Variants in MYL4 observed in about 807,000 individuals in gnomAD.
The protein encoded by MYL4 is myosin light chain 4.
MYL4 carries 16 observed loss-of-function variants against 21.6 expected under a neutral mutation model. The ratio of observed to expected loss-of-function variants is 0.74; its 90% confidence interval spans 0.50 to 1.12. The LOEUF (loss-of-function observed/expected upper bound fraction) is 1.12, where lower values mean the gene tolerates loss of function less well. Among genes scored for constraint, MYL4 ranks in the 50% most tolerant of loss-of-function variants. MYL4 has a pLI of 0.00. For synonymous variants in MYL4, 82 were observed against 95.7 expected, an observed-to-expected ratio of 0.86 and a Z score of 0.83; for missense variants, 249 against 252.9, an observed-to-expected ratio of 0.98 and a Z score of 0.11.
chr17:47,221,702 G>C lies in MYL4; in HGVS notation c.334G>C (p.Asp112His), dbSNP rs1393147280. ...KPEEMNVKML[D>H]FETFLPILQH... Reference sequence around the variant, plus strand: ...TGAAGAGATGAATGTCAAGATGCTGGACTTTGAGACGTTCTTGCCCATCCT... The same window carrying C: ...TGAAGAGATGAATGTCAAGATGCTGCACTTTGAGACGTTCTTGCCCATCCT... The change falls in exon 4 of 7, where the codon GAC becomes CAC. Residue 112 changes from aspartate to histidine, a missense_variant. Coordinates refer to ENST00000393450, the MANE Select transcript of MYL4 (RefSeq NM_002476.2). 6.2e-7 allele frequency: 1 copy of C among 1,613,694 alleles called. No homozygotes were observed. Among genetic ancestry groups the C allele is most frequent in the Non-Finnish European group, 8.5e-7 (1 of 1,179,724 alleles).
At chr17:47,209,909 T>C (rs1345846974) in intron 1 of MYL4, among the ~76,000 whole-genome samples, 1 of 152,148 alleles carries the variant, frequency 6.6e-6, no homozygotes, top group Non-Finnish European at 1.5e-5. Flanking sequence ...GACTAGCCTT[T>C]TCCTAGGAGG....
chr17:47,220,080 TC>T, intron 3 of MYL4, 27 bp downstream of exon 3: 1 of 1,587,084 alleles, frequency 6.3e-7, no homozygotes. Flanking sequence ...GGCAGACCTC[TC>T]CCAGGGTCAG....
rs963861981 is a variant in MYL4, at chr17:47,219,993, C to G, written c.253C>G (p.Leu85Val). ...YGQCGDVLRALGQNPTNAEVL... is the reference protein window; with the variant it reads ...YGQCGDVLRAVGQNPTNAEVL... ...CCAGTGCGGGGATGTACTGCGGGCC[C>G]TGGGCCAGAACCCTACCAATGCCGA... is the stretch of plus-strand genomic sequence containing the variant. The change falls in exon 3 of 7, where the codon CTG (leucine) becomes GTG (valine). Residue 85 changes from leucine (L) to valine (V), a missense_variant. Transcript: ENST00000393450. 3 of 1,614,116 alleles carry G rather than the reference C, an allele frequency of 1.9e-6. No individual in the cohort carries two copies. Among genetic ancestry groups the G allele is most frequent in the African/African-American group, 2.7e-5 (2 of 74,960 alleles).
At chr17:47,208,981 C>A, upstream of MYL4, 1 of 218,580 alleles carries the variant, frequency 4.6e-6, no homozygotes, top group Non-Finnish European at 9.1e-6. Context: ...AGTGGGCTGC[C>A]TCTGCTCGGG....
chr17:47,190,187 G>C, the MYL4 span, among the ~76,000 whole-genome samples: 3 of 152,116 alleles, frequency 2.0e-5, no homozygotes, highest in Non-Finnish European at 4.4e-5. Context: ...GGGAAGAGTA[G>C]GGGGTCGGAA....
At chr17:47,189,992 T>C in the MYL4 span, among the ~76,000 whole-genome samples, 1 of 151,990 alleles carries the variant, frequency 6.6e-6, no homozygotes, top group African/African-American at 2.4e-5. Context: ...AAGTTTAAAA[T>C]GGAGTTTGAA....
At chr17:47,205,125 A>C (rs1274446464), upstream of MYL4, among the ~76,000 whole-genome samples, 1 of 152,236 alleles carries the variant, frequency 6.6e-6, no homozygotes, top group South Asian at 2.1e-4. Flanking sequence ...TCCTTTGTGC[A>C]TTTGTGTCCG....
At chr17:47,207,158 A>G (rs1326432431), upstream of MYL4, among the ~76,000 whole-genome samples, 1 of 152,194 alleles carries the variant, frequency 6.6e-6, no homozygotes, top group African/African-American at 2.4e-5. Flanking sequence ...GGGCTGGGCT[A>G]GAATCTGGGC....
At chr17:47,194,421 A>G in the MYL4 span, among the ~76,000 whole-genome samples, 1 of 152,216 alleles carries the variant, frequency 6.6e-6, no homozygotes, top group Non-Finnish European at 1.5e-5. Flanking sequence ...AGAAAAAGGA[A>G]GGCCAGAGTG....
chr17:47,200,110 T>G (rs1261619099), upstream of MYL4, among the ~76,000 whole-genome samples: 1 of 148,076 alleles, frequency 6.8e-6, no homozygotes, highest in Non-Finnish European at 1.5e-5. Context: ...GGTGGCAGAA[T>G]TTTGGTGTTA....
chr17:47,212,284 T>C (rs1462047590), intron 1 of MYL4, among the ~76,000 whole-genome samples: 1 of 152,230 alleles, frequency 6.6e-6, no homozygotes, highest in Non-Finnish European at 1.5e-5. Context: ...CACTCTCCTC[T>C]TCTGTACTCA....
At chr17:47,216,568 T>A (rs1288350428) in intron 2 of MYL4, among the ~76,000 whole-genome samples, 1 of 152,198 alleles carries the variant, frequency 6.6e-6, no homozygotes, top group Non-Finnish European at 1.5e-5. Context: ...TAAAGTGTTC[T>A]ATGCAAAATT....
chr17:47,197,523 C>T (rs2064693919), upstream of MYL4, among the ~76,000 whole-genome samples: 1 of 152,168 alleles, frequency 6.6e-6, no homozygotes, highest in Non-Finnish European at 1.5e-5. Flanking sequence ...CTAGGGCTGA[C>T]TCAAAAGCAC....
upstream of MYL4, among the ~76,000 whole-genome samples, chr17:47,198,707 C>A (rs546702561): frequency 6.6e-6 from 1 of 152,204 alleles, no homozygotes; most frequent in African/African-American, 2.4e-5. Context: ...TGAAGCTTGG[C>A]CAGGCGCAGT....
upstream of MYL4, chr17:47,209,304 G>C: frequency 2.9e-6 from 4 of 1,360,928 alleles, no homozygotes; most frequent in Non-Finnish European, 4.1e-6. Context: ...CTCTGTGGGG[G>C]CTCCTGCCCA....
chr17:47,221,617 G>A, intron 3 of MYL4, 65 bp from the exon 4 acceptor site: 1 of 1,547,968 alleles, frequency 6.5e-7, no homozygotes, highest in South Asian at 1.2e-5. Context: ...GCCCCCTCTT[G>A]ACCCTCTGCT....
chr17:47,205,322 T>C (rs2064723426), upstream of MYL4, among the ~76,000 whole-genome samples: 2 of 152,194 alleles, frequency 1.3e-5, no homozygotes, highest in African/African-American at 4.8e-5. Context: ...CTCTTCACAC[T>C]ACTACATCTC....
the MYL4 span, among the ~76,000 whole-genome samples, chr17:47,192,382 G>A: frequency 6.6e-6 from 1 of 151,472 alleles, no homozygotes; most frequent in Admixed American, 6.6e-5. Context: ...AGGCGCGTTG[G>A]CTCACGCCTG....
upstream of MYL4, among the ~76,000 whole-genome samples, chr17:47,207,189 C>T (rs2064732137): frequency 6.6e-6 from 1 of 152,152 alleles, no homozygotes; most frequent in Non-Finnish European, 1.5e-5. Context: ...TTCTAGTATT[C>T]CCTTGAGCAA....
Sources: allele counts gnomAD v4.1 joint callset (sites outside exome capture counted in the v4.1 genomes callset), GRCh38; gene constraint gnomAD v4.1.1; transcripts MANE v1.5; gene names NCBI Gene and HGNC (gene_info 2026-07-23, HGNC 2026-07-21).